Variants in MECOM observed in about 807,000 individuals in gnomAD.
MECOM encodes MDS1 and EVI1 complex locus.
A neutral mutation model predicts 116.3 loss-of-function variants in MECOM; 13 were observed. The observed-to-expected ratio is 0.11, with a 90% CI of 0.07 to 0.18. The LOEUF (loss-of-function observed/expected upper bound fraction) is 0.18, where lower values mean the gene tolerates loss of function less well. Ranked by LOEUF, MECOM falls within the 10% of genes least tolerant of loss-of-function variation. MECOM has a pLI of 1.00. For missense variants in MECOM, 1,299 were observed against 1,509.0 expected (o/e 0.86, Z 2.31); for synonymous variants, 528 against 535.2 (o/e 0.99, Z 0.19).
chr3:169,383,654 A>C (rs1732843670), intron 1 of MECOM, among the ~76,000 whole-genome samples: 1 of 152,216 alleles, frequency 6.6e-6, no homozygotes, highest in Non-Finnish European at 1.5e-5. Context: ...GAGCCTGTTT[A>C]ACACTGCTGA....
chr3:169,550,730 G>A (rs912206037), intron 1 of MECOM, among the ~76,000 whole-genome samples: 1 of 152,090 alleles, frequency 6.6e-6, no homozygotes, highest in African/African-American at 2.4e-5. Flanking sequence ...CCAAAGCAAG[G>A]TGGTAATTCT....
chr3:169,123,830 T>C (rs1361957841), intron 5 of MECOM, among the ~76,000 whole-genome samples: 1 of 152,002 alleles, frequency 6.6e-6, no homozygotes, highest in African/African-American at 2.4e-5. Context: ...GAAGCATCAA[T>C]AAGAACAGCA....
At chr3:169,211,635 T>C (rs1448166585) in intron 2 of MECOM, among the ~76,000 whole-genome samples, 1 of 152,182 alleles carries the variant, frequency 6.6e-6, no homozygotes, top group Non-Finnish European at 1.5e-5. Flanking sequence ...TCTCCTTTAC[T>C]AGTTCTTTCT....
intron 2 of MECOM, among the ~76,000 whole-genome samples, chr3:169,242,844 T>C (rs1755057887): frequency 6.6e-6 from 1 of 151,292 alleles, no homozygotes; most frequent in Non-Finnish European, 1.5e-5. Flanking sequence ...TTACATTCAT[T>C]AGACTGCTTG....
At chr3:169,265,952 G>C (rs1268280417) in intron 2 of MECOM, among the ~76,000 whole-genome samples, 1 of 152,042 alleles carries the variant, frequency 6.6e-6, no homozygotes, top group South Asian at 2.1e-4. Flanking sequence ...GATGTGGGAG[G>C]CTTCTAGCAT....
chr3:169,378,509 G>GA (rs1443761747), intron 2 of MECOM, among the ~76,000 whole-genome samples: 3 of 28,074 alleles, frequency 1.1e-4, no homozygotes, highest in Non-Finnish European at 1.9e-4. Context: ...AAGAAAGAAA[G>GA]AAAGAAAAGA....
At chr3:169,654,839 CACAT>C (rs1321251398) in intron 1 of MECOM, among the ~76,000 whole-genome samples, 2 of 151,914 alleles carry the variant, frequency 1.3e-5, no homozygotes, top group Non-Finnish European at 2.9e-5. Flanking sequence ...CACACACACA[CACAT>C]ATTAACTTGA....
intron 2 of MECOM, among the ~76,000 whole-genome samples, chr3:169,245,879 A>T (rs1045921442): frequency 6.6e-5 from 10 of 152,336 alleles, no homozygotes; most frequent in Non-Finnish European, 8.8e-5. Context: ...TCAACTTAAG[A>T]CATCAATAAG....
intron 1 of MECOM, among the ~76,000 whole-genome samples, chr3:169,510,190 G>T (rs577647349): frequency 6.6e-6 from 1 of 152,080 alleles, no homozygotes; most frequent in Non-Finnish European, 1.5e-5. Flanking sequence ...CACTGTAATC[G>T]ATTCTCATCA....
chr3:169,227,071 G>A (rs1009665199), intron 2 of MECOM, among the ~76,000 whole-genome samples: 16 of 152,002 alleles, frequency 1.1e-4, no homozygotes, highest in African/African-American at 1.9e-4. Context: ...AGGAATCTTC[G>A]GGCAATTTAG....
At chr3:169,385,174 G>A (rs1733114606) in intron 1 of MECOM, among the ~76,000 whole-genome samples, 1 of 149,702 alleles carries the variant, frequency 6.7e-6, no homozygotes, top group Admixed American at 6.7e-5. Context: ...CTTATCCCAT[G>A]ACCTCTGAAT....
intron 2 of MECOM, among the ~76,000 whole-genome samples, chr3:169,360,502 C>A (rs1243577730): frequency 6.6e-6 from 1 of 151,542 alleles, no homozygotes; most frequent in Non-Finnish European, 1.5e-5. Flanking sequence ...ACTGGACAAC[C>A]AGGTACCATA....
At chr3:169,543,086 T>C (rs1238733191) in intron 1 of MECOM, among the ~76,000 whole-genome samples, 1 of 152,212 alleles carries the variant, frequency 6.6e-6, no homozygotes, top group Admixed American at 6.5e-5. Flanking sequence ...ATGTGCATTA[T>C]TTTTTTAATA....
chr3:169,341,348 A>ATGG (rs1724468254), intron 2 of MECOM, among the ~76,000 whole-genome samples: 1 of 151,686 alleles, frequency 6.6e-6, no homozygotes, highest in Non-Finnish European at 1.5e-5. Context: ...AAATCAAAAC[A>ATGG]ATTGAACTCA....
At chr3:169,481,583 A>T (rs1348493192) in intron 1 of MECOM, among the ~76,000 whole-genome samples, 1 of 152,106 alleles carries the variant, frequency 6.6e-6, no homozygotes, top group Non-Finnish European at 1.5e-5. Context: ...AAAAATAAAA[A>T]AAAAACTAAA....
intron 2 of MECOM, among the ~76,000 whole-genome samples, chr3:169,311,060 G>T (rs1187881731): frequency 6.6e-6 from 1 of 152,152 alleles, no homozygotes. Context: ...CCATGGCTGT[G>T]GCAGTTATAT....
intron 1 of MECOM, among the ~76,000 whole-genome samples, chr3:169,645,655 C>A (rs1774086315): frequency 6.6e-6 from 1 of 152,144 alleles, no homozygotes; most frequent in African/African-American, 2.4e-5. Flanking sequence ...ATTGCGGCTA[C>A]AAAGGCCAGA....
At chr3:169,110,899 C>T (rs1727143008) in intron 9 of MECOM, among the ~76,000 whole-genome samples, 1 of 152,198 alleles carries the variant, frequency 6.6e-6, no homozygotes, top group African/African-American at 2.4e-5. Flanking sequence ...TGAGGAATGA[C>T]TGCTATGCTC....
At chr3:169,449,614 A>G (rs182991456) in intron 1 of MECOM, among the ~76,000 whole-genome samples, 1 of 152,308 alleles carries the variant, frequency 6.6e-6, no homozygotes, top group Non-Finnish European at 1.5e-5. Flanking sequence ...TCAAGCTAAT[A>G]CAAATTTTCC....
Sources: allele counts gnomAD v4.1 joint callset (sites outside exome capture counted in the v4.1 genomes callset), GRCh38; gene constraint gnomAD v4.1.1; transcripts MANE v1.5; gene names NCBI Gene and HGNC (gene_info 2026-07-23, HGNC 2026-07-21).